SGCZ: variants seen among roughly 807,000 people sequenced by gnomAD.
The protein encoded by SGCZ is sarcoglycan zeta, also known as zeta-sarcoglycan.
In SGCZ, 40 loss-of-function variants were observed where a neutral mutation model predicts 41.3. That is an observed-to-expected ratio of 0.97 (90% confidence interval 0.75 to 1.26). SGCZ has a LOEUF of 1.26. SGCZ is among the 50% of genes most tolerant of loss of function. The pLI, the probability that SGCZ is intolerant of heterozygous loss-of-function variation, is 0.00. For missense variants in SGCZ, 552 were observed against 369.8 expected (o/e 1.49, Z -4.04); for synonymous variants, 206 against 137.5 (o/e 1.50, Z -3.49).
At chr8:14,686,121 T>C (rs1585181771) in intron 1 of SGCZ, among the ~76,000 whole-genome samples, 2 of 152,260 alleles carry the variant, frequency 1.3e-5, no homozygotes, top group East Asian at 3.9e-4. Context: ...GTAGTGCATA[T>C]AAAAACTCAT....
chr8:15,177,058 T>A (rs1800021099), intron 1 of SGCZ, among the ~76,000 whole-genome samples: 1 of 152,204 alleles, frequency 6.6e-6, no homozygotes, highest in South Asian at 2.1e-4. Context: ...ATGTTAACAC[T>A]TTTTTAATGT....
At chr8:14,782,298 A>T (rs1037696341) in intron 1 of SGCZ, among the ~76,000 whole-genome samples, 1 of 152,220 alleles carries the variant, frequency 6.6e-6, no homozygotes, top group African/African-American at 2.4e-5. Context: ...AGATTTCAAT[A>T]CAGTGTACTT....
intron 1 of SGCZ, among the ~76,000 whole-genome samples, chr8:15,152,371 A>C (rs1478058845): frequency 6.6e-6 from 1 of 152,230 alleles, no homozygotes; most frequent in Non-Finnish European, 1.5e-5. Flanking sequence ...GCAGTGGTAC[A>C]GGATGCTCGA....
chr8:14,105,055 A>G (rs568885461), intron 6 of SGCZ, among the ~76,000 whole-genome samples: 132 of 152,278 alleles, frequency 8.7e-4, no homozygotes, highest in African/African-American at 2.7e-3. Flanking sequence ...TGTAAGAAAT[A>G]AAAACAAACA....
intron 5 of SGCZ, among the ~76,000 whole-genome samples, chr8:14,158,777 T>A (rs12542569): frequency 0.32 from 47,995 of 151,982 alleles, 7,896 homozygotes; most frequent in Middle Eastern, 0.47. Context: ...TTTCTATGTT[T>A]GCTTGTTTTG....
intron 3 of SGCZ, among the ~76,000 whole-genome samples, chr8:14,265,858 A>C (rs1389184630): frequency 6.6e-6 from 1 of 151,982 alleles, no homozygotes; most frequent in Non-Finnish European, 1.5e-5. Context: ...AGTAAAGAGC[A>C]TCAATAGCAG....
chr8:14,926,963 T>C (rs1799774204), intron 1 of SGCZ, among the ~76,000 whole-genome samples: 1 of 151,436 alleles, frequency 6.6e-6, no homozygotes, highest in African/African-American at 2.4e-5. Flanking sequence ...AATGGAGAAA[T>C]GACATCAAAA....
intron 1 of SGCZ, among the ~76,000 whole-genome samples, chr8:14,921,926 A>G (rs1431002745): frequency 2.6e-5 from 4 of 152,218 alleles, no homozygotes; most frequent in Non-Finnish European, 5.9e-5. Context: ...ACCAAGCAAC[A>G]GTAATCTATG....
chr8:15,226,642 T>A (rs796640658), intron 1 of SGCZ, among the ~76,000 whole-genome samples: 70 of 152,288 alleles, frequency 4.6e-4, no homozygotes, highest in African/African-American at 1.4e-3. Flanking sequence ...CTAAAATGAC[T>A]TGTGAAACTT....
At chr8:14,973,945 C>G (rs1364731704) in intron 1 of SGCZ, among the ~76,000 whole-genome samples, 1 of 152,064 alleles carries the variant, frequency 6.6e-6, no homozygotes, top group African/African-American at 2.4e-5. Context: ...GCCTAATGGA[C>G]ATTTCCAAAA....
At chr8:14,525,103 AGACAGAT>A (rs1300272230) in intron 2 of SGCZ, among the ~76,000 whole-genome samples, 1 of 116,962 alleles carries the variant, frequency 8.5e-6, no homozygotes, top group African/African-American at 2.9e-5. Context: ...ATAGACACAT[AGACAGAT>A]GATAGATAGA....
intron 5 of SGCZ, among the ~76,000 whole-genome samples, chr8:14,151,172 G>T (rs1803697363): frequency 6.6e-6 from 1 of 152,192 alleles, no homozygotes; most frequent in East Asian, 1.9e-4. Context: ...GTATCTTAAA[G>T]AGTATAATTG....
intron 1 of SGCZ, among the ~76,000 whole-genome samples, chr8:14,816,576 A>C (rs1801908414): frequency 6.6e-6 from 1 of 152,206 alleles, no homozygotes; most frequent in South Asian, 2.1e-4. Context: ...TTGGATGGGA[A>C]CAAATTCTCA....
intron 5 of SGCZ, among the ~76,000 whole-genome samples, chr8:14,156,329 G>A (rs1046315621): frequency 2.6e-5 from 4 of 151,956 alleles, no homozygotes; most frequent in African/African-American, 9.7e-5. Context: ...GCGTGGTGGT[G>A]GTCGCCTTGT....
At chr8:14,178,027 G>A (rs1442415023) in intron 4 of SGCZ, among the ~76,000 whole-genome samples, 2 of 131,878 alleles carry the variant, frequency 1.5e-5, no homozygotes, top group South Asian at 2.4e-4. Flanking sequence ...GCATGATCCC[G>A]GCTCACTGCG....
rs186901502 is a variant in SGCZ, at chr8:14,232,898, T to G, written c.424+4694A>C. 9.4e-4 allele frequency among the ~76,000 whole-genome samples: 143 copies of G among 152,190 alleles called. 1 individual carries two copies. Among genetic ancestry groups the G allele is most frequent in the African/African-American group, 3.2e-3 (135 of 41,576 alleles). ...TTTAAGCACACTCTAAAACTAAAAT[T>G]TCAGAAGAATGACATTCAGTTTTTT... On this transcript the variant is annotated intron_variant, in intron 4 of 7. Coordinates refer to ENST00000382080, the MANE Select transcript of SGCZ (RefSeq NM_139167.4).
intron 1 of SGCZ, among the ~76,000 whole-genome samples, chr8:14,641,073 A>G (rs1585147017): frequency 6.6e-6 from 1 of 151,678 alleles, no homozygotes; most frequent in South Asian, 2.1e-4. Context: ...CATCTTGTCC[A>G]GTGGTAATAA....
chr8:14,656,574 GCTT>G (rs909353209), intron 1 of SGCZ, among the ~76,000 whole-genome samples: 17 of 114,820 alleles, frequency 1.5e-4, no homozygotes, highest in African/African-American at 4.0e-4. Flanking sequence ...TTCCTTCCCT[GCTT>G]CTTTTCTTCT....
chr8:15,044,241 A>G (rs1804218435), intron 1 of SGCZ, among the ~76,000 whole-genome samples: 1 of 152,160 alleles, frequency 6.6e-6, no homozygotes, highest in African/African-American at 2.4e-5. Context: ...TGCTTGCCAC[A>G]TGTCCATTTG....
Sources: gnomAD v4.1 joint callset for allele counts (sites outside exome capture counted in the v4.1 genomes callset) on GRCh38, gnomAD v4.1.1 for gene constraint, MANE v1.5 for transcripts, NCBI Gene and HGNC (gene_info 2026-07-23, HGNC 2026-07-21) for gene names.